The following PRKDC variants were observed in gnomAD, a reference collection of about 807,000 sequenced individuals.
The protein encoded by PRKDC is DNA-dependent protein kinase catalytic subunit.
Under a neutral mutation model 486.9 loss-of-function variants are expected in PRKDC, and 82 were observed. The observed-to-expected ratio is 0.17, with a 90% CI of 0.14 to 0.20. The LOEUF (loss-of-function observed/expected upper bound fraction) is 0.20. Among genes scored for constraint, PRKDC ranks in the 10% least tolerant of loss-of-function variants. The pLI, the probability that PRKDC is intolerant of heterozygous loss-of-function variation, is 1.00. For missense variants in PRKDC, 4,504 were observed against 5,038.2 expected, an observed-to-expected ratio of 0.89 and a Z score of 3.21; for synonymous variants, 1,895 against 1,837.0, an observed-to-expected ratio of 1.03 and a Z score of -0.81.
At position 47,837,197 on chromosome 8, in the gene PRKDC, A is replaced by G. The variant is rs757724111; in HGVS notation, c.7761+15T>C. 6.2e-7 allele frequency: 1 copy of G among 1,600,630 alleles called. No homozygotes were observed. The highest frequency in any genetic ancestry group is 8.6e-7 in the Non-Finnish European group (1 of 1,168,868). On this transcript the variant is annotated intron_variant, in intron 57 of 85. Transcript: ENST00000314191. ...CCTATAATATTCACTACTATGAGAG[A>G]GAAGACCACATTACCTGAAATTCGC... is the stretch of plus-strand genomic sequence containing the variant.
chr8:47,807,243 G>A lies in PRKDC; in HGVS notation c.9641C>T (p.Pro3214Leu), dbSNP rs778625171. 15 of 1,613,564 alleles carry A rather than the reference G, an allele frequency of 9.3e-6. No individual in the cohort carries two copies. The South Asian group carries it at 1.5e-4, about 17-fold the overall frequency. ...NSMNVDQDGD[P>L]SDRMEVQEQE... ...CTCTTGCACTTCCATCCTGTCACTG[G>A]GGTCTCCATCTTGATCCACATTCAT... Residue 3214 changes from proline (P) to leucine (L), a missense_variant, in exon 69 of 86, where the codon CCC becomes CTC. Physicochemically the swap from Pro to Leu is moderately conservative, Grantham distance 98 (BLOSUM62 -3). Around this residue, in one of 6 missense-constraint regions of PRKDC, gnomAD observed 1,592 missense variants for 1,724.6 expected, o/e 0.92. Transcript: ENST00000314191.
chr8:47,957,082 T>C (rs1277048087), intron 3 of PRKDC, 89 bp downstream of exon 3: 5 of 871,978 alleles, frequency 5.7e-6, no homozygotes, highest in East Asian at 2.8e-5. Context: ...AAATGTTTTA[T>C]CTTTAAAATA....
chr8:47,784,147 A>T (rs1236604154), intron 77 of PRKDC: 1 of 200,428 alleles, frequency 5.0e-6, no homozygotes, highest in African/African-American at 2.3e-5. Context: ...AGTCCCAGCT[A>T]CTCGGGAGGC....
intron 49 of PRKDC, among the ~76,000 whole-genome samples, 152 bp from the exon 50 acceptor site, chr8:47,855,525 A>G (rs905721508): frequency 6.6e-6 from 1 of 152,226 alleles, no homozygotes; most frequent in African/African-American, 2.4e-5. Context: ...AGGTAACAAC[A>G]AAGGCTGACC....
At chr8:47,924,440 G>A (rs1322409731) in intron 21 of PRKDC, among the ~76,000 whole-genome samples, 1 of 151,954 alleles carries the variant, frequency 6.6e-6, no homozygotes, top group Admixed American at 6.6e-5. Flanking sequence ...CATGCCTGTA[G>A]TCTCAACTAC....
At position 47,840,096 on chromosome 8, in the gene PRKDC, A is replaced by G. The variant is rs2154499867; in HGVS notation, c.7374T>C (p.Val2458=). 1 of 1,582,394 alleles carries G rather than the reference A, an allele frequency of 6.3e-7. No individual in the cohort carries two copies. The highest frequency in any genetic ancestry group is 8.6e-7 in the Non-Finnish European group (1 of 1,162,120). ...TAGAAGGATGGGAAACGAATTCCAC[A>G]ACGGGGTTCAGAAGTTCTCGGAGTT... ...PVELRELLNP[V]VEFVSHPSTT... The change falls in exon 55 of 86, where the codon GTT becomes GTC. Residue 2458 remains valine, a synonymous_variant. Coordinates refer to ENST00000314191, the MANE Select transcript of PRKDC (RefSeq NM_006904.7).
intron 61 of PRKDC, among the ~76,000 whole-genome samples, chr8:47,829,009 C>T (rs4521758): frequency 0.26 from 39,737 of 152,112 alleles, 8,339 homozygotes; most frequent in African/African-American, 0.58. Flanking sequence ...GTGACATCAG[C>T]GCCAACAACA....
chr8:47,927,277 T>A lies in PRKDC; in HGVS notation c.2336A>T (p.Tyr779Phe), dbSNP rs2090170497. ...GLNALEEWSI[Y>F]IDRHVMQPYY... ...AGGCTGCATTACATGTCTGTCAATA[T>A]AAATTGACCATTCTTCTAGAGCATT... is the stretch of plus-strand genomic sequence containing the variant. Residue 779 changes from tyrosine to phenylalanine, a missense_variant, in exon 21 of 86, where the codon TAT becomes TTT. Tyr to Phe is a conservative substitution (Grantham distance 22, BLOSUM62 3). Around this residue, in one of 6 missense-constraint regions of PRKDC, gnomAD observed 1,969 missense variants for 2,068.9 expected, o/e 0.95. Coordinates refer to ENST00000314191, the MANE Select transcript of PRKDC (RefSeq NM_006904.7). 2 of 1,613,644 alleles carry A rather than the reference T, an allele frequency of 1.2e-6. No homozygotes were observed. Among genetic ancestry groups the A allele is most frequent in the African/African-American group, 1.3e-5 (1 of 74,910 alleles).
intron 3 of PRKDC, among the ~76,000 whole-genome samples, 193 bp downstream of exon 3, chr8:47,956,978 C>CAAA (rs1563824620): frequency 2.0e-5 from 1 of 50,756 alleles, no homozygotes; most frequent in African/African-American, 9.0e-5. Flanking sequence ...ACTCCTTCTC[C>CAAA]AAAAAAAAAA....
Position 47,881,509 on chromosome 8 carries a change from A to G in PRKDC, c.4974T>C (p.Ser1658=). The change falls in exon 38 of 86, where the codon TCT becomes TCC. Residue 1658 remains serine, a synonymous_variant. Coordinates refer to ENST00000314191, the MANE Select transcript of PRKDC (RefSeq NM_006904.7). ...AACCATGACTTGTATTAAAAGATACAGATGAATCAATCTAAAGGAAGGAAA... is the reference window on the plus strand; with the variant it reads ...AACCATGACTTGTATTAAAAGATACGGATGAATCAATCTAAAGGAAGGAAA... ...LLAKILQIDS[S]VSFNTSHGSF... is the part of the protein sequence containing the mutation. The G allele has an allele frequency of 6.6e-7, 1 of 1,508,424 alleles. No individual in the cohort carries two copies. The highest frequency in any genetic ancestry group is 9.1e-7 in the Non-Finnish European group (1 of 1,103,338). The allele number at this position is 1,508,424 out of a possible 1,614,324, so 93.4% of individuals were successfully genotyped here.
chr8:47,827,538 G>T (rs2087764759), intron 62 of PRKDC, among the ~76,000 whole-genome samples: 1 of 152,174 alleles, frequency 6.6e-6, no homozygotes, highest in South Asian at 2.1e-4. Context: ...GTGTTGCCTT[G>T]GAAAGGACTT....
intron 77 of PRKDC, 28 bp downstream of exon 77, chr8:47,785,085 G>A: frequency 6.2e-7 from 1 of 1,606,526 alleles, no homozygotes; most frequent in Non-Finnish European, 8.5e-7. Flanking sequence ...TGACAGTACA[G>A]TTTTGTCACC....
chr8:47,930,854 TC>T, intron 16 of PRKDC, 67 bp from the exon 17 acceptor site: 1 of 1,427,098 alleles, frequency 7.0e-7, no homozygotes, highest in Non-Finnish European at 9.5e-7. Flanking sequence ...CAAATAACTT[TC>T]CAACTGACTT....
In PRKDC at chr8:47,828,204, G is replaced by C; in HGVS notation, c.8541C>G (p.Thr2847=). ...AGACAAAGGGTGGAAAGAAAGAGAA[G>C]GTGGTATTAAGAAAACGATTGAAGT... ...LQDFNRFLNT[T]FSFFPPFVSC... The change falls in exon 62 of 86, where the codon ACC becomes ACG. Residue 2847 remains threonine (T), a synonymous_variant. Transcript: ENST00000314191. 6.2e-7 allele frequency: 1 copy of C among 1,613,778 alleles called. No homozygotes were observed. The highest frequency in any genetic ancestry group is 1.3e-5 in the African/African-American group (1 of 75,048).
intron 68 of PRKDC, among the ~76,000 whole-genome samples, chr8:47,815,306 A>G (rs2087419525): frequency 6.6e-6 from 1 of 152,242 alleles, no homozygotes; most frequent in African/African-American, 2.4e-5. Context: ...TTGAGTTTCA[A>G]AAAAATTGCC....
At chr8:47,873,123 A>G (rs959839913) in intron 40 of PRKDC, among the ~76,000 whole-genome samples, 1 of 151,958 alleles carries the variant, frequency 6.6e-6, no homozygotes, top group Non-Finnish European at 1.5e-5. Flanking sequence ...TATGGAGAAC[A>G]GCATGGAGGT....
rs575244067 is a variant in PRKDC at position 47,921,185 on chromosome 8, G to A, written c.2420-2802C>T. ...CAGGAGAATGGCGTGAACCCAGGAG[G>A]TGGAGCTTGCAGTGAGCCAAGATCA... On this transcript the variant is annotated intron_variant, in intron 21 of 85. Coordinates refer to ENST00000314191, the MANE Select transcript of PRKDC (RefSeq NM_006904.7). 7.2e-3 allele frequency among the ~76,000 whole-genome samples: 1,101 copies of A among 152,106 alleles called. 7 individuals are homozygous for A. The highest frequency in any genetic ancestry group is 0.011 in the Non-Finnish European group (743 of 67,990).
Position 47,957,219 on chromosome 8 carries a change from G to A in PRKDC, c.276C>T (p.Phe92=), listed in dbSNP as rs2090718398. 1 of 1,601,984 alleles carries A rather than the reference G, an allele frequency of 6.2e-7. No individual in the cohort carries two copies. The change falls in exon 3 of 86, where the codon TTC becomes TTT. Residue 92 remains phenylalanine (F), a synonymous_variant. Transcript: ENST00000314191. Reference sequence around the variant, plus strand: ...CGATCTTCTGGCCCATTTTTTCTAAGAAAATACATAAAAACTTTAGGATTT... The same window carrying A: ...CGATCTTCTGGCCCATTTTTTCTAAAAAAATACATAAAAACTTTAGGATTT... ...REEILKFLCI[F]LEKMGQKIAP... is the part of the protein sequence containing the mutation.
At chr8:47,795,477 C>T (rs2086965249) in intron 73 of PRKDC, among the ~76,000 whole-genome samples, 2 of 151,114 alleles carry the variant, frequency 1.3e-5, no homozygotes, top group African/African-American at 4.9e-5. Flanking sequence ...GCGTGAGCCA[C>T]CGCACCCGGC....
Sources: gnomAD v4.1 joint callset for allele counts (sites outside exome capture counted in the v4.1 genomes callset) on GRCh38, gnomAD v4.1.1 for gene constraint, gnomAD v4.1.1 regional missense constraint, MANE v1.5 for transcripts, NCBI Gene and HGNC (gene_info 2026-07-23, HGNC 2026-07-21) for gene names.